GRIP1: variants seen among roughly 807,000 people sequenced by gnomAD.
GRIP1 encodes the protein glutamate receptor-interacting protein 1.
In GRIP1, 45 loss-of-function variants were observed where a neutral mutation model predicts 129.9. The observed-to-expected ratio is 0.35, with a 90% CI of 0.27 to 0.44. GRIP1 has a LOEUF of 0.44. Among genes scored for constraint, GRIP1 ranks in the 20% least tolerant of loss-of-function variants. The probability of loss-of-function intolerance (pLI) is 1.00; values close to 1 mark genes in which losing one functional copy is unlikely to be tolerated. For missense variants in GRIP1, 1,196 were observed against 1,396.8 expected, an observed-to-expected ratio of 0.86 and a Z score of 2.29; for synonymous variants, 530 against 520.8, an observed-to-expected ratio of 1.02 and a Z score of -0.24.
intron 1 of GRIP1, among the ~76,000 whole-genome samples, chr12:66,984,683 T>C (rs557881326): frequency 4.1e-4 from 63 of 152,322 alleles, no homozygotes; most frequent in African/African-American, 1.3e-3. Flanking sequence ...CCCAATCAGA[T>C]TGTATTATCT....
intron 1 of GRIP1, among the ~76,000 whole-genome samples, chr12:66,787,235 T>A (rs1391428881): frequency 1.3e-5 from 2 of 152,206 alleles, no homozygotes; most frequent in Non-Finnish European, 2.9e-5. Flanking sequence ...CCTGGGGATG[T>A]GTTCTACTAA....
At chr12:66,927,115 T>G (rs893445857) in intron 1 of GRIP1, among the ~76,000 whole-genome samples, 1 of 152,220 alleles carries the variant, frequency 6.6e-6, no homozygotes, top group Non-Finnish European at 1.5e-5. Context: ...AATCCTTTAT[T>G]ACTTGTCTAT....
intron 22 of GRIP1, chr12:66,372,425 G>A (rs1258991071): frequency 9.5e-6 from 2 of 210,852 alleles, no homozygotes; most frequent in East Asian, 1.2e-4. Context: ...ATAAAGGCAA[G>A]GGGTTCTTCC....
intron 2 of GRIP1, among the ~76,000 whole-genome samples, chr12:66,590,436 A>G (rs1256009039): frequency 6.6e-6 from 1 of 152,170 alleles, no homozygotes; most frequent in African/African-American, 2.4e-5. Context: ...GCCTTGTGCT[A>G]TTTGAGGAGC....
intron 1 of GRIP1, among the ~76,000 whole-genome samples, chr12:66,636,404 T>A (rs779311208): frequency 1.3e-5 from 2 of 152,212 alleles, no homozygotes; most frequent in Non-Finnish European, 2.9e-5. Context: ...GTTAAAATTG[T>A]AAAGTTTGTT....
chr12:66,988,381 T>C (rs987891836), intron 1 of GRIP1, among the ~76,000 whole-genome samples: 2 of 152,070 alleles, frequency 1.3e-5, no homozygotes, highest in African/African-American at 4.8e-5. Context: ...AATTCTTTTT[T>C]CTTTTTCTTT....
intron 1 of GRIP1, among the ~76,000 whole-genome samples, chr12:66,750,571 G>T (rs1245179995): frequency 2.0e-5 from 3 of 152,150 alleles, no homozygotes; most frequent in African/African-American, 4.8e-5. Context: ...TCACACACTG[G>T]GTGAAGGAGG....
chr12:66,725,079 C>A (rs2036208982), intron 1 of GRIP1, among the ~76,000 whole-genome samples: 1 of 152,136 alleles, frequency 6.6e-6, no homozygotes, highest in Non-Finnish European at 1.5e-5. Context: ...GTTACTTAAG[C>A]TCAGGAGTTC....
intron 1 of GRIP1, among the ~76,000 whole-genome samples, chr12:66,616,221 G>A (rs548129706): frequency 3.3e-5 from 5 of 151,986 alleles, no homozygotes; most frequent in Admixed American, 2.0e-4. Context: ...AGAGAGGCCT[G>A]GGCCACAATA....
chr12:66,489,375 C>T (rs1018299336), intron 7 of GRIP1, among the ~76,000 whole-genome samples: 11 of 152,022 alleles, frequency 7.2e-5, no homozygotes, highest in South Asian at 2.1e-4. Context: ...AGACAAAAAC[C>T]ACATAATTAT....
At chr12:66,616,400 C>G (rs1306715650) in intron 1 of GRIP1, among the ~76,000 whole-genome samples, 1 of 152,264 alleles carries the variant, frequency 6.6e-6, no homozygotes, top group East Asian at 1.9e-4. Flanking sequence ...TCTTAGTGCA[C>G]TAGAGCCTCT....
intron 16 of GRIP1, among the ~76,000 whole-genome samples, chr12:66,395,694 A>G (rs1438625821): frequency 6.6e-6 from 1 of 152,198 alleles, no homozygotes; most frequent in Non-Finnish European, 1.5e-5. Flanking sequence ...CCACACATTC[A>G]GAACTAAAGA....
At chr12:66,542,087 A>G in intron 2 of GRIP1, 137 bp from the exon 3 acceptor site, 1 of 821,094 alleles carries the variant, frequency 1.2e-6, no homozygotes, top group Non-Finnish European at 2.1e-6. Context: ...AATTTGAAGA[A>G]TATTTCATAA....
At chr12:66,426,184 G>T (rs1334182350) in intron 14 of GRIP1, among the ~76,000 whole-genome samples, 3 of 151,882 alleles carry the variant, frequency 2.0e-5, no homozygotes, top group African/African-American at 7.3e-5. Flanking sequence ...CCACCATTTT[G>T]GAAATAAATC....
At position 66,511,549 on chromosome 12, in the gene GRIP1, G is replaced by C. The variant is rs559540512; in HGVS notation, c.724+4070C>G. Among the ~76,000 whole-genome samples, 3 of 152,198 alleles carry C rather than the reference G, an allele frequency of 2.0e-5. No homozygotes were observed. In the South Asian group the frequency reaches 6.2e-4, roughly 32 times the overall value. ...TTTGGGCCATTCAACATATGTTCTT[G>C]CCTTCCATACCACAGTTGTAGAGTG... On this transcript the variant is annotated intron_variant, in intron 7 of 24. Transcript: ENST00000359742.
intron 1 of GRIP1, among the ~76,000 whole-genome samples, chr12:66,648,304 G>A (rs2032529445): frequency 6.6e-6 from 1 of 152,218 alleles, no homozygotes; most frequent in Admixed American, 6.5e-5. Context: ...GTAAGTGTTA[G>A]TGTTTCTCCC....
rs971717155 is a variant in GRIP1, at chr12:66,710,366, A to G, written c.-419-80030T>C. ...TAAGTGGAGCTTCATTGTCTAAACC[A>G]TTCTCAACTGAGAAGTACTCTATGG... On this transcript the variant is annotated intron_variant, in intron 1 of 4. Coordinates refer to the GRIP1 transcript ENST00000538373. Among the ~76,000 whole-genome samples, 4 of 152,044 alleles carry G rather than the reference A, an allele frequency of 2.6e-5. No homozygotes were observed. The East Asian group carries it at 5.8e-4, about 22-fold the overall frequency.
At chr12:66,870,523 A>G (rs2040278107) in intron 1 of GRIP1, among the ~76,000 whole-genome samples, 1 of 152,154 alleles carries the variant, frequency 6.6e-6, no homozygotes, top group African/African-American at 2.4e-5. Flanking sequence ...ATAAAAGCTT[A>G]AACTGTTAGA....
chr12:66,727,970 G>A (rs1402846311), intron 1 of GRIP1, among the ~76,000 whole-genome samples: 1 of 152,182 alleles, frequency 6.6e-6, no homozygotes. Flanking sequence ...TATCCTTGAT[G>A]ATGTTCATCT....
Sources: allele counts gnomAD v4.1 joint callset (sites outside exome capture counted in the v4.1 genomes callset), GRCh38; gene constraint gnomAD v4.1.1; transcripts MANE v1.5; gene names NCBI Gene and HGNC (gene_info 2026-07-23, HGNC 2026-07-21).